KLHL32: variants seen among roughly 807,000 people sequenced by gnomAD.
KLHL32 encodes kelch-like protein 32.
A neutral mutation model predicts 64.8 loss-of-function variants in KLHL32; 35 were observed. That is an observed-to-expected ratio of 0.54 (90% CI 0.41 to 0.72). The LOEUF is 0.72. KLHL32 is among the 30% of genes least tolerant of loss of function. The pLI is 0.00. For synonymous variants in KLHL32, 259 were observed against 281.0 expected, an observed-to-expected ratio of 0.92 and a Z score of 0.78; for missense variants, 589 against 768.5, an observed-to-expected ratio of 0.77 and a Z score of 2.76.
chr6:97,106,862 G>A (rs1026240213), intron 6 of KLHL32, among the ~76,000 whole-genome samples: 1 of 151,984 alleles, frequency 6.6e-6, no homozygotes, highest in East Asian at 1.9e-4. Context: ...CTCTTTACTT[G>A]GTATCATAAA....
At position 97,100,966 on chromosome 6, in the gene KLHL32, C is replaced by CTTTTTTTTTTTTTTT. The variant is rs58422496; in HGVS notation, c.628-12810_628-12796dup. On this transcript the variant is annotated intron_variant, in intron 6 of 10. Transcript: ENST00000369261. Reference sequence around the variant, plus strand: ...ACAGGCATGTGCCACTGCAGCCAAGCTTTTTTTTTTTTTTTTTTTTTGGTA... The same window carrying CTTTTTTTTTTTTTTT: ...ACAGGCATGTGCCACTGCAGCCAAGCTTTTTTTTTTTTTTTTTTTTTTTTTTTTTTTTTTTTGGTA... Among the ~76,000 whole-genome samples, 18 of 69,474 alleles carry CTTTTTTTTTTTTTTT rather than the reference C, an allele frequency of 2.6e-4. 3 individuals are homozygous for CTTTTTTTTTTTTTTT. Among genetic ancestry groups the CTTTTTTTTTTTTTTT allele is most frequent in the African/African-American group, 9.9e-4 (14 of 14,098 alleles). The allele number at this position is 69,474 out of a possible 152,430, so 45.6% of individuals were successfully genotyped here. A position where few individuals can be genotyped will look rare whatever the true frequency, so the allele number is the denominator to read the frequency against.
chr6:97,014,833 T>C (rs907869473), intron 3 of KLHL32, among the ~76,000 whole-genome samples: 3 of 152,214 alleles, frequency 2.0e-5, no homozygotes, highest in African/African-American at 7.2e-5. Context: ...CTCTGCTGAA[T>C]AGCTTAGTAT....
At chr6:96,986,428 G>C (rs1460600504) in intron 3 of KLHL32, among the ~76,000 whole-genome samples, 2 of 152,208 alleles carry the variant, frequency 1.3e-5, no homozygotes, top group Non-Finnish European at 2.9e-5. Context: ...AGTCTGCAAA[G>C]GATTCTGCTG....
chr6:96,953,854 CTT>C (rs60587934), intron 1 of KLHL32, among the ~76,000 whole-genome samples: 69 of 142,610 alleles, frequency 4.8e-4, no homozygotes, highest in Admixed American at 5.6e-4. Flanking sequence ...TAATAGTTGT[CTT>C]TTTTTTTTTT....
intron 1 of KLHL32, among the ~76,000 whole-genome samples, chr6:96,936,054 G>T (rs931750946): frequency 6.6e-6 from 1 of 152,214 alleles, no homozygotes; most frequent in Non-Finnish European, 1.5e-5. Flanking sequence ...TCACTCAGGA[G>T]TGACTGACTG....
chr6:96,903,822 A>T, the KLHL32 span, among the ~76,000 whole-genome samples: 1 of 152,242 alleles, frequency 6.6e-6, no homozygotes, highest in African/African-American at 2.4e-5. Context: ...TTTACTTTAT[A>T]AAGGGTACAA....
Position 97,139,214 on chromosome 6 carries a change from G to C in KLHL32, c.1795G>C (p.Ala599Pro). 1 of 1,613,962 alleles carries C rather than the reference G, an allele frequency of 6.2e-7. No individual in the cohort carries two copies. The highest frequency in any genetic ancestry group is 8.5e-7 in the Non-Finnish European group (1 of 1,179,930). Residue 599 changes from alanine (A) to proline (P), a missense_variant, in exon 11 of 11, where the codon GCT becomes CCT. By Grantham distance (27) the Ala-to-Pro change is conservative. Coordinates refer to ENST00000369261, the MANE Select transcript of KLHL32 (RefSeq NM_052904.4). ...SNGIAACFLP[A>P]PYFTCPNLQT... ...TGGAATAGCAGCATGCTTCCTTCCA[G>C]CTCCATATTTTACATGCCCTAACCT... is the stretch of plus-strand genomic sequence containing the variant.
intron 6 of KLHL32, among the ~76,000 whole-genome samples, chr6:97,091,459 G>T (rs1480194328): frequency 6.6e-6 from 1 of 152,184 alleles, no homozygotes; most frequent in Non-Finnish European, 1.5e-5. Flanking sequence ...CATATGATGG[G>T]TGCTGGGTAG....
intron 6 of KLHL32, among the ~76,000 whole-genome samples, chr6:97,088,776 TA>T (rs968658587): frequency 2.6e-5 from 4 of 152,090 alleles, no homozygotes; most frequent in Admixed American, 1.3e-4. Context: ...CAATTCTTCA[TA>T]AAAAAAACTT....
intron 2 of KLHL32, among the ~76,000 whole-genome samples, chr6:96,968,635 G>A (rs1774759934): frequency 6.6e-6 from 1 of 152,118 alleles, no homozygotes; most frequent in Non-Finnish European, 1.5e-5. Flanking sequence ...TCTCTATGAT[G>A]TTCTCTCCTT....
intron 1 of KLHL32, among the ~76,000 whole-genome samples, chr6:96,952,118 T>C (rs1056511036): frequency 1.3e-5 from 2 of 152,170 alleles, no homozygotes; most frequent in Admixed American, 1.3e-4. Flanking sequence ...CACCCTGTGA[T>C]GGGATGGCAT....
chr6:97,056,352 G>A (rs905901995), intron 4 of KLHL32, among the ~76,000 whole-genome samples: 5 of 152,080 alleles, frequency 3.3e-5, no homozygotes, highest in African/African-American at 1.2e-4. Context: ...TGATCCTCCC[G>A]CCTTGGCCTC....
At chr6:97,004,615 G>A (rs897939166) in intron 3 of KLHL32, among the ~76,000 whole-genome samples, 2 of 152,056 alleles carry the variant, frequency 1.3e-5, no homozygotes, top group South Asian at 4.1e-4. Flanking sequence ...AGGGTTTGTT[G>A]TAGATGGCTG....
At chr6:96,959,721 C>A (rs541125838) in intron 1 of KLHL32, among the ~76,000 whole-genome samples, 25 of 152,236 alleles carry the variant, frequency 1.6e-4, no homozygotes, top group Admixed American at 1.3e-3. Context: ...CACTAGCATG[C>A]GGTGGTTGCA....
chr6:97,027,054 C>T (rs1296851928), intron 3 of KLHL32, among the ~76,000 whole-genome samples: 4 of 150,778 alleles, frequency 2.7e-5, no homozygotes, highest in South Asian at 4.2e-4. Context: ...CCCAGCTACT[C>T]GGGAGGCTGA....
chr6:97,025,989 C>A (rs1782670644), intron 3 of KLHL32, among the ~76,000 whole-genome samples: 1 of 152,024 alleles, frequency 6.6e-6, no homozygotes, highest in South Asian at 2.1e-4. Flanking sequence ...AACTATTTAT[C>A]TTTCTTTTAA....
intron 1 of KLHL32, among the ~76,000 whole-genome samples, chr6:96,928,162 GA>G (rs1423773963): frequency 1.3e-5 from 2 of 152,176 alleles, no homozygotes; most frequent in Non-Finnish European, 2.9e-5. Context: ...CAGACACAGG[GA>G]AAAAATTTTA....
chr6:97,085,414 A>G (rs1161540115), intron 6 of KLHL32, 73 bp downstream of exon 6: 3 of 1,277,774 alleles, frequency 2.3e-6, no homozygotes, highest in Non-Finnish European at 2.2e-6. Context: ...GGACTGAGGA[A>G]CAATTACCAC....
At chr6:97,104,848 T>G (rs1162706230) in intron 6 of KLHL32, among the ~76,000 whole-genome samples, 2 of 152,236 alleles carry the variant, frequency 1.3e-5, no homozygotes, top group Non-Finnish European at 2.9e-5. Context: ...GCTTTTCGAT[T>G]TTATGGGAAA....
Sources: allele counts gnomAD v4.1 joint callset (sites outside exome capture counted in the v4.1 genomes callset), GRCh38; gene constraint gnomAD v4.1.1; transcripts MANE v1.5; gene names NCBI Gene and HGNC (gene_info 2026-07-23, HGNC 2026-07-21).